PLPP4: variants seen among roughly 807,000 people sequenced by gnomAD.
PLPP4 encodes the protein phospholipid phosphatase 4, also known as diacylglycerol pyrophosphate like 2.
PLPP4 carries 20 observed loss-of-function variants against 32.2 expected under a neutral mutation model. The ratio of observed to expected loss-of-function variants is 0.62; its 90% CI spans 0.44 to 0.90. PLPP4 has a LOEUF of 0.90. PLPP4 is among the 40% of genes least tolerant of loss of function. The pLI is 0.00. For synonymous variants in PLPP4, 127 were observed against 133.0 expected, an observed-to-expected ratio of 0.95 and a Z score of 0.31; for missense variants, 257 against 353.1, an observed-to-expected ratio of 0.73 and a Z score of 2.18.
At chr10:120,585,127 T>A (rs757091933) in intron 6 of PLPP4, among the ~76,000 whole-genome samples, 17 of 152,214 alleles carry the variant, frequency 1.1e-4, no homozygotes, top group Non-Finnish European at 2.5e-4. Flanking sequence ...AAATACCTCA[T>A]GGGACTGTTT....
chr10:120,505,587 G>A (rs1157618803), intron 2 of PLPP4, among the ~76,000 whole-genome samples: 1 of 152,134 alleles, frequency 6.6e-6, no homozygotes, highest in African/African-American at 2.4e-5. Context: ...AAAGATCTGT[G>A]TTTTTGCAAA....
In PLPP4 at chr10:120,589,461, C is replaced by T; in HGVS notation, c.775C>T (p.Pro259Ser). The T allele has an allele frequency of 1.9e-6, 3 of 1,614,102 alleles. No individual in the cohort carries two copies. The highest frequency in any genetic ancestry group is 1.7e-6 in the Non-Finnish European group (2 of 1,179,964). Residue 259 changes from proline to serine, a missense_variant, in exon 7 of 7, where the codon CCC (proline) becomes TCC (serine). Coordinates refer to ENST00000398250, the MANE Select transcript of PLPP4 (RefSeq NM_001030059.3). Reference protein sequence around the residue: ...KEERPTADSAPSLPLEGITEG... With the variant: ...KEERPTADSASSLPLEGITEG... The stretch of plus-strand genomic sequence containing the variant: ...GGAGAGGCCCACAGCTGACAGCGCA[C>T]CCAGCTTGCCTCTGGAGGGGATCAC...
chr10:120,463,019 C>CTTTTTTTTTT (rs71019771), intron 1 of PLPP4, among the ~76,000 whole-genome samples: 1 of 89,342 alleles, frequency 1.1e-5, no homozygotes, highest in African/African-American at 3.8e-5. Flanking sequence ...AAGTTTCTTT[C>CTTTTTTTTTT]TTTTTTTTTT....
At chr10:120,504,086 G>T (rs1845389744) in intron 2 of PLPP4, among the ~76,000 whole-genome samples, 160 bp downstream of exon 2, 1 of 152,166 alleles carries the variant, frequency 6.6e-6, no homozygotes, top group Admixed American at 6.5e-5. Context: ...GTCATGATAA[G>T]AACTGCTTGG....
intron 5 of PLPP4, among the ~76,000 whole-genome samples, chr10:120,560,564 G>A (rs1366763988): frequency 6.6e-6 from 1 of 152,130 alleles, no homozygotes; most frequent in Non-Finnish European, 1.5e-5. Flanking sequence ...AGACCAGACT[G>A]GCCAACATAG....
At chr10:120,518,538 G>T (rs1420649399) in intron 3 of PLPP4, among the ~76,000 whole-genome samples, 2 of 152,108 alleles carry the variant, frequency 1.3e-5, no homozygotes, top group Non-Finnish European at 1.5e-5. Context: ...TTCATATCAG[G>T]CCAGAAAATG....
intron 1 of PLPP4, among the ~76,000 whole-genome samples, chr10:120,463,853 C>T (rs2463122): frequency 0.044 from 6,644 of 151,488 alleles, 159 homozygotes; most frequent in Middle Eastern, 0.13. Flanking sequence ...CTTGCTCTGT[C>T]GCCCAGGCTG....
At chr10:120,497,399 CACTT>C (rs752970519) in intron 1 of PLPP4, among the ~76,000 whole-genome samples, 1 of 151,972 alleles carries the variant, frequency 6.6e-6, no homozygotes, top group African/African-American at 2.4e-5. Context: ...GCCTTCCACT[CACTT>C]AATTTCAGGC....
intron 1 of PLPP4, among the ~76,000 whole-genome samples, chr10:120,479,933 A>C (rs1844120003): frequency 6.6e-6 from 1 of 152,198 alleles, no homozygotes; most frequent in African/African-American, 2.4e-5. Flanking sequence ...TCTATTATTG[A>C]AAGGCTATGG....
rs1849964262 is a variant in PLPP4, at chr10:120,590,610, C to G, written c.*1108C>G. 6.6e-6 allele frequency among the ~76,000 whole-genome samples: 1 copy of G among 152,140 alleles called. No homozygotes were observed. The highest frequency in any genetic ancestry group is 6.5e-5 in the Admixed American group (1 of 15,272). ...ACAGCCAGTCAATATGAACCTTTTTCAGTCTGAGTATAGAGCACGCTGCTC... is the reference window on the plus strand; with the variant it reads ...ACAGCCAGTCAATATGAACCTTTTTGAGTCTGAGTATAGAGCACGCTGCTC... On this transcript the variant is annotated 3_prime_UTR_variant, in exon 7 of 7. Coordinates refer to ENST00000398250, the MANE Select transcript of PLPP4 (RefSeq NM_001030059.3).
rs149307555 is a variant in PLPP4, at chr10:120,571,350, G to T, written c.446-3781G>T. ...TTTGAATGCTCTTGTCTCAGTTTTA[G>T]TTCTTAATCAAGCAGAAAGCTAGGA... On this transcript the variant is annotated intron_variant, in intron 5 of 6. Coordinates refer to ENST00000398250, the MANE Select transcript of PLPP4 (RefSeq NM_001030059.3). Among the ~76,000 whole-genome samples the T allele has an allele frequency of 2.3e-3, 355 of 152,020 alleles. 7 individuals are homozygous for T. Among genetic ancestry groups the T allele is most frequent in the Non-Finnish European group, 1.3e-3 (89 of 68,006 alleles).
chr10:120,569,919 A>G (rs1054701683), intron 5 of PLPP4, among the ~76,000 whole-genome samples: 35 of 152,220 alleles, frequency 2.3e-4, no homozygotes, highest in Non-Finnish European at 4.1e-4. Context: ...GCATTGCTCT[A>G]ACTGCAATAA....
intron 1 of PLPP4, among the ~76,000 whole-genome samples, chr10:120,470,473 C>T (rs1848467715): frequency 6.6e-6 from 1 of 152,120 alleles, no homozygotes; most frequent in South Asian, 2.1e-4. Context: ...CTTGTGGTTT[C>T]AGTTTCAGTC....
chr10:120,463,698 A>G (rs1170508441), intron 1 of PLPP4, among the ~76,000 whole-genome samples: 1 of 152,094 alleles, frequency 6.6e-6, no homozygotes, highest in African/African-American at 2.4e-5. Flanking sequence ...GTTTTGTTTT[A>G]TTTTGAAGAC....
intron 2 of PLPP4, among the ~76,000 whole-genome samples, chr10:120,506,433 T>C (rs1021658135): frequency 1.3e-5 from 2 of 152,226 alleles, no homozygotes; most frequent in African/African-American, 2.4e-5. Flanking sequence ...AGTAGAAGAA[T>C]TGGTAATAGA....
chr10:120,498,303 T>C (rs1483517568), intron 1 of PLPP4, among the ~76,000 whole-genome samples: 1 of 152,198 alleles, frequency 6.6e-6, no homozygotes, highest in East Asian at 1.9e-4. Context: ...ATGCTTGTAA[T>C]GGGGGAAGTC....
intron 3 of PLPP4, among the ~76,000 whole-genome samples, chr10:120,517,982 G>T (rs1846000411): frequency 6.6e-6 from 1 of 152,174 alleles, no homozygotes; most frequent in Non-Finnish European, 1.5e-5. Flanking sequence ...AGTGGATGGG[G>T]CATCAATAGG....
intron 5 of PLPP4, among the ~76,000 whole-genome samples, chr10:120,574,357 A>G (rs567597790): frequency 6.6e-6 from 1 of 152,052 alleles, no homozygotes; most frequent in African/African-American, 2.4e-5. Context: ...GCGCTTCCCA[A>G]CTTAAATCTC....
intron 1 of PLPP4, among the ~76,000 whole-genome samples, chr10:120,470,765 T>A (rs1296152383): frequency 6.7e-6 from 1 of 149,390 alleles, no homozygotes; most frequent in Admixed American, 6.6e-5. Flanking sequence ...GTAGGGAAAA[T>A]TTGCCCCCCC....
Sources: gnomAD v4.1 joint callset for allele counts (sites outside exome capture counted in the v4.1 genomes callset) on GRCh38, gnomAD v4.1.1 for gene constraint, MANE v1.5 for transcripts, NCBI Gene and HGNC (gene_info 2026-07-23, HGNC 2026-07-21) for gene names.